Variants in ZC3H12B observed in about 807,000 individuals in gnomAD.
ZC3H12B encodes zinc finger CCCH-type containing 12B.
In ZC3H12B, 7 loss-of-function variants were observed where a neutral mutation model predicts 43.9. The ratio of observed to expected loss-of-function variants is 0.16; its 90% CI spans 0.09 to 0.30. ZC3H12B has a LOEUF of 0.30. ZC3H12B is among the 10% of genes least tolerant of loss of function. ZC3H12B has a pLI of 1.00. For missense variants in ZC3H12B, 475 were observed against 670.2 expected (o/e 0.71, Z 3.22); for synonymous variants, 222 against 241.7 (o/e 0.92, Z 0.76).
At chrX:65,302,071 C>T in the ZC3H12B span, among the ~76,000 whole-genome samples, 1 of 111,038 alleles carries the variant, frequency 9.0e-6, no homozygotes, top group Non-Finnish European at 1.9e-5. Flanking sequence ...TAACAATATA[C>T]TTAATGGGAA....
chrX:65,171,776 C>T, the ZC3H12B span, among the ~76,000 whole-genome samples: 1 of 111,192 alleles, frequency 9.0e-6, no homozygotes, highest in Non-Finnish European at 1.9e-5. Flanking sequence ...TTCCACCTTT[C>T]AGTTCGATCT....
chrX:65,164,743 A>G, the ZC3H12B span, among the ~76,000 whole-genome samples: 78 of 111,854 alleles, frequency 7.0e-4, no homozygotes, highest in Non-Finnish European at 1.3e-3. Context: ...TATCATAAAG[A>G]GTTTTCAGAT....
chrX:65,178,468 G>C, the ZC3H12B span, among the ~76,000 whole-genome samples: 1 of 112,315 alleles, frequency 8.9e-6, no homozygotes, highest in East Asian at 2.8e-4. Flanking sequence ...TCATCAGATT[G>C]AACAGGCAAC....
chrX:65,291,498 A>G, the ZC3H12B span, among the ~76,000 whole-genome samples: 2 of 112,266 alleles, frequency 1.8e-5, no homozygotes, highest in East Asian at 5.6e-4. Flanking sequence ...ATGTGACAAC[A>G]TAAATGAACC....
At chrX:65,455,242 G>A (rs774868549) in intron 3 of ZC3H12B, among the ~76,000 whole-genome samples, 261 of 111,598 alleles carry the variant, frequency 2.3e-3, no homozygotes, top group South Asian at 0.016. Context: ...AAGATTAGAC[G>A]AATGGCTAAC....
chrX:65,231,920 G>A, the ZC3H12B span, among the ~76,000 whole-genome samples: 1 of 111,574 alleles, frequency 9.0e-6, no homozygotes, highest in Non-Finnish European at 1.9e-5. Flanking sequence ...AGCTTACGAA[G>A]TTGATGTGAT....
chrX:65,173,100 G>A, the ZC3H12B span, among the ~76,000 whole-genome samples: 1 of 111,799 alleles, frequency 8.9e-6, no homozygotes, highest in Non-Finnish European at 1.9e-5. Flanking sequence ...ATTTCCTTGA[G>A]CAGAGATTTG....
chrX:65,488,607 G>A (rs969544172), upstream of ZC3H12B: 67 of 386,467 alleles, frequency 1.7e-4, 1 homozygote, highest in African/African-American at 1.5e-3. Context: ...TTTTCCTAAA[G>A]TTTACTAAAT....
chrX:65,422,858 T>G (rs2067035218), intron 3 of ZC3H12B, among the ~76,000 whole-genome samples: 1 of 107,423 alleles, frequency 9.3e-6, no homozygotes, highest in Non-Finnish European at 1.9e-5. Context: ...TGAAAAAACA[T>G]AAACTCATCC....
At chrX:65,217,748 T>A in the ZC3H12B span, among the ~76,000 whole-genome samples, 1 of 110,273 alleles carries the variant, frequency 9.1e-6, no homozygotes, top group African/African-American at 3.3e-5. Context: ...TGTATGAAAA[T>A]GCACAGAAAG....
the ZC3H12B span, among the ~76,000 whole-genome samples, chrX:65,217,172 A>G: frequency 2.7e-5 from 3 of 112,191 alleles, no homozygotes; most frequent in African/African-American, 9.7e-5. Context: ...GGAATTCTTT[A>G]TCATTTCCAA....
At chrX:65,085,482 A>T in the ZC3H12B span, among the ~76,000 whole-genome samples, 167 of 111,712 alleles carry the variant, frequency 1.5e-3, no homozygotes, top group Non-Finnish European at 2.2e-3. Flanking sequence ...TTTTATTCTT[A>T]AGATTTAGAG....
the ZC3H12B span, among the ~76,000 whole-genome samples, chrX:65,052,358 ATTAAG>A: frequency 8.1e-5 from 9 of 111,093 alleles, no homozygotes; most frequent in African/African-American, 2.9e-4. Flanking sequence ...AAGATGTACA[ATTAAG>A]TTATTATTGA....
the ZC3H12B span, among the ~76,000 whole-genome samples, chrX:65,333,458 C>T: frequency 5.4e-5 from 6 of 112,010 alleles, no homozygotes; most frequent in African/African-American, 1.9e-4. Context: ...GTATAGTTTA[C>T]TCAATTGTTA....
intron 1 of ZC3H12B, among the ~76,000 whole-genome samples, chrX:65,368,195 G>T (rs937398103): frequency 9.0e-5 from 10 of 111,523 alleles, no homozygotes; most frequent in East Asian, 5.6e-4. Context: ...GTGTTTTTTT[G>T]TTTGTATGTT....
At chrX:65,484,539 G>GA (rs777278128), upstream of ZC3H12B, among the ~76,000 whole-genome samples, 30 of 111,487 alleles carry the variant, frequency 2.7e-4, no homozygotes, top group Non-Finnish European at 5.1e-4. Flanking sequence ...TGCCTTTTAT[G>GA]AAAAAAAATT....
At chrX:65,451,556 G>A (rs910780937) in intron 3 of ZC3H12B, among the ~76,000 whole-genome samples, 28 of 111,217 alleles carry the variant, frequency 2.5e-4, no homozygotes, top group African/African-American at 8.2e-4. Flanking sequence ...TGCTCAGGCT[G>A]CTTTTGAACT....
chrX:65,427,201 C>A (rs1445446933), intron 3 of ZC3H12B, among the ~76,000 whole-genome samples: 1 of 111,693 alleles, frequency 9.0e-6, no homozygotes, highest in Non-Finnish European at 1.9e-5. Context: ...GAACTCTTTA[C>A]CATTATGTAA....
chrX:65,433,555 T>C (rs1181194715), intron 3 of ZC3H12B, among the ~76,000 whole-genome samples: 1 of 111,683 alleles, frequency 9.0e-6, no homozygotes, highest in Non-Finnish European at 1.9e-5. Context: ...CATTGTGAGA[T>C]TAATCTAAGC....
Sources: gnomAD v4.1 joint callset for allele counts (sites outside exome capture counted in the v4.1 genomes callset) on GRCh38, gnomAD v4.1.1 for gene constraint, MANE v1.5 for transcripts, NCBI Gene and HGNC (gene_info 2026-07-23, HGNC 2026-07-21) for gene names.